The following CNPY1 variants were observed in gnomAD, a reference collection of about 807,000 sequenced individuals.
CNPY1 encodes protein canopy homolog 1.
A neutral mutation model predicts 14.4 loss-of-function variants in CNPY1; 14 were observed. That is an observed-to-expected ratio of 0.97 (90% CI 0.64 to 1.52). The LOEUF is 1.52. Ranked by LOEUF, CNPY1 falls within the 40% of genes most tolerant of loss-of-function variation. The probability of loss-of-function intolerance (pLI) is 0.00; values close to 1 mark genes in which losing one functional copy is unlikely to be tolerated. For synonymous variants in CNPY1, 43 were observed against 46.5 expected (o/e 0.92, Z 0.31); for missense variants, 129 against 131.5 (o/e 0.98, Z 0.09).
intron 2 of CNPY1, among the ~76,000 whole-genome samples, chr7:155,530,296 C>CTTTTTTTTTTTTTTTTTTTTTTTTTTTTT (rs11386824): frequency 1.0e-5 from 1 of 96,928 alleles, no homozygotes; most frequent in Non-Finnish European, 1.9e-5. Flanking sequence ...CCAGCAGGGT[C>CTTTTTTTTTTTTTTTTTTTTTTTTTTTTT]TTTTTTTTTT....
At chr7:155,535,674 G>A (rs183396784) in intron 2 of CNPY1, among the ~76,000 whole-genome samples, 38 of 152,294 alleles carry the variant, frequency 2.5e-4, no homozygotes, top group Middle Eastern at 6.8e-3. Flanking sequence ...CAAATAGGGA[G>A]GTGACACTCA....
chr7:155,526,248 A>G (rs1796816735), intron 2 of CNPY1, among the ~76,000 whole-genome samples: 2 of 152,150 alleles, frequency 1.3e-5, no homozygotes, highest in African/African-American at 4.8e-5. Flanking sequence ...TTATTTGATA[A>G]ACGGCTCTGG....
At chr7:155,505,537 T>G (rs1739858269) in intron 4 of CNPY1, among the ~76,000 whole-genome samples, 1 of 152,174 alleles carries the variant, frequency 6.6e-6, no homozygotes, top group South Asian at 2.1e-4. Context: ...TTGGGAGCAG[T>G]CTTTCCCCAG....
chr7:155,514,031 C>T (rs1193763268), intron 2 of CNPY1, among the ~76,000 whole-genome samples: 3 of 152,234 alleles, frequency 2.0e-5, no homozygotes, highest in Non-Finnish European at 4.4e-5. Flanking sequence ...TCACACTGCA[C>T]CTCTTGGCTG....
chr7:155,543,463 G>C (rs1483696667), intron 2 of CNPY1, among the ~76,000 whole-genome samples: 3 of 152,220 alleles, frequency 2.0e-5, no homozygotes, highest in Admixed American at 1.3e-4. Context: ...TGGCCAAGTA[G>C]CCTGCTGACG....
At chr7:155,515,215 T>C (rs1044597287) in intron 2 of CNPY1, among the ~76,000 whole-genome samples, 1 of 151,916 alleles carries the variant, frequency 6.6e-6, no homozygotes, top group African/African-American at 2.4e-5. Context: ...CTTCCTGACC[T>C]GTGGTCCATG....
At chr7:155,512,477 G>C (rs150912942) in intron 2 of CNPY1, among the ~76,000 whole-genome samples, 52 of 152,286 alleles carry the variant, frequency 3.4e-4, no homozygotes, top group African/African-American at 9.4e-4. Context: ...TGGAATGGGG[G>C]TGGGGAGATA....
chr7:155,522,729 C>T (rs2116719574), intron 2 of CNPY1, among the ~76,000 whole-genome samples: 1 of 152,362 alleles, frequency 6.6e-6, no homozygotes, highest in Non-Finnish European at 1.5e-5. Flanking sequence ...ACCATGCACA[C>T]TCCCCTGGTT....
At chr7:155,519,260 G>A (rs984886194) in intron 2 of CNPY1, among the ~76,000 whole-genome samples, 11 of 151,684 alleles carry the variant, frequency 7.3e-5, no homozygotes, top group Non-Finnish European at 1.2e-4. Flanking sequence ...GTAGTGGCTC[G>A]TGCCTGTAAT....
chr7:155,508,962 C>T lies in CNPY1; in HGVS notation c.235G>A (p.Asp79Asn). Residue 79 changes from aspartate to asparagine, a missense_variant, in exon 3 of 5, where the codon GAC becomes AAC. Coordinates refer to ENST00000636446, the MANE Select transcript of CNPY1 (RefSeq NM_001393663.1). ...TFKRFAPRKG[D>N]KIYQEFKKLY... ...TTTTTAAATTCTTGGTATATTTTGT[C>T]TCCTTTCCTAGGAGCGAATCTCTTG... 1.2e-6 allele frequency: 2 copies of T among 1,613,940 alleles called. No individual in the cohort carries two copies. The highest frequency in any genetic ancestry group is 1.3e-5 in the African/African-American group (1 of 75,050).
chr7:155,519,713 G>C (rs1215558780), intron 2 of CNPY1, among the ~76,000 whole-genome samples: 1 of 152,144 alleles, frequency 6.6e-6, no homozygotes, highest in African/African-American at 2.4e-5. Context: ...GTTTACTCAA[G>C]TAATGAAATT....
intron 2 of CNPY1, among the ~76,000 whole-genome samples, chr7:155,518,138 T>A (rs1187975380): frequency 6.6e-6 from 1 of 152,152 alleles, no homozygotes; most frequent in African/African-American, 2.4e-5. Context: ...ATCTGGGAGC[T>A]GCCAGGAGGG....
At chr7:155,503,926 TGA>T (rs1796206788) in intron 4 of CNPY1, among the ~76,000 whole-genome samples, 1 of 152,172 alleles carries the variant, frequency 6.6e-6, no homozygotes, top group Non-Finnish European at 1.5e-5. Flanking sequence ...TTCCATACCT[TGA>T]GTGGCACAGA....
rs373619692 is a variant in CNPY1 at position 155,507,068 on chromosome 7, C to T, written c.352G>A (p.Ala118Thr). Residue 118 changes from alanine to threonine, a missense_variant, in exon 4 of 5, where the codon GCC becomes ACC. Physicochemically the swap from Ala to Thr is moderately conservative, Grantham distance 58. Transcript: ENST00000636446. ...TCAGCTAGATAGTGTGTCTCCTGGG[C>T]GATAAGTGAGGATATTTCATCTTCA... ...EYEDEISSLI[A>T]QETHYLADKL... 9 of 1,612,376 alleles carry T rather than the reference C, an allele frequency of 5.6e-6. No homozygotes were observed. The highest frequency in any genetic ancestry group is 2.2e-5 in the East Asian group (1 of 44,814).
chr7:155,544,570 A>G (rs1027943906), intron 2 of CNPY1, among the ~76,000 whole-genome samples: 2 of 152,356 alleles, frequency 1.3e-5, no homozygotes, highest in East Asian at 3.9e-4. Flanking sequence ...ACACACAGAC[A>G]GGCACTCACA....
intron 2 of CNPY1, among the ~76,000 whole-genome samples, chr7:155,545,398 G>T (rs1010961936): frequency 6.6e-6 from 1 of 152,124 alleles, no homozygotes. Flanking sequence ...CCAACTGTCC[G>T]GTCTATTCCA....
chr7:155,503,137 T>G, intron 4 of CNPY1, 32 bp from the exon 5 acceptor site: 1 of 1,555,840 alleles, frequency 6.4e-7, no homozygotes, highest in Middle Eastern at 1.7e-4. Context: ...GATAGCATCA[T>G]TATCACTTTA....
chr7:155,530,003 G>A (rs1006033402), intron 2 of CNPY1, among the ~76,000 whole-genome samples: 5 of 151,710 alleles, frequency 3.3e-5, no homozygotes, highest in Non-Finnish European at 5.9e-5. Flanking sequence ...GGCTGGTCTC[G>A]AACTCCCAAC....
intron 2 of CNPY1, among the ~76,000 whole-genome samples, chr7:155,544,261 C>A (rs1416465018): frequency 6.6e-6 from 1 of 152,214 alleles, no homozygotes; most frequent in Non-Finnish European, 1.5e-5. Context: ...AGATGCTATT[C>A]TTTCTGCAGG....
Sources: gnomAD v4.1 joint callset for allele counts (sites outside exome capture counted in the v4.1 genomes callset) on GRCh38, gnomAD v4.1.1 for gene constraint, MANE v1.5 for transcripts, NCBI Gene and HGNC (gene_info 2026-07-23, HGNC 2026-07-21) for gene names.